DLG2: variants seen among roughly 807,000 people sequenced by gnomAD.
The protein encoded by DLG2 is discs large MAGUK scaffold protein 2, also known as disks large homolog 2.
A neutral mutation model predicts 132.5 loss-of-function variants in DLG2; 45 were observed. The observed-to-expected ratio is 0.34, with a 90% CI of 0.27 to 0.44. DLG2 has a LOEUF of 0.44. Among genes scored for constraint, DLG2 ranks in the 20% least tolerant of loss-of-function variants. The pLI, the probability that DLG2 is intolerant of heterozygous loss-of-function variation, is 1.00. For synonymous variants in DLG2, 424 were observed against 419.6 expected, an observed-to-expected ratio of 1.01 and a Z score of -0.13; for missense variants, 1,045 against 1,196.9, an observed-to-expected ratio of 0.87 and a Z score of 1.87.
At chr11:83,874,552 T>C in intron 15 of DLG2, 64 bp from the exon 16 acceptor site, 7 of 1,312,132 alleles carry the variant, frequency 5.3e-6, no homozygotes, top group Non-Finnish European at 7.2e-6. Flanking sequence ...ATTTTTTTAT[T>C]ATACTTTAAG....
At chr11:84,144,676 A>G (rs1258085681) in intron 9 of DLG2, among the ~76,000 whole-genome samples, 1 of 152,158 alleles carries the variant, frequency 6.6e-6, no homozygotes, top group Non-Finnish European at 1.5e-5. Flanking sequence ...CAACTCAGAG[A>G]GGGGTAATGA....
intron 6 of DLG2, among the ~76,000 whole-genome samples, chr11:85,101,018 TTA>T (rs1199087076): frequency 6.6e-6 from 1 of 152,176 alleles, no homozygotes; most frequent in Non-Finnish European, 1.5e-5. Context: ...TTTTAGTTTT[TTA>T]TGTGTTGACT....
At chr11:84,282,827 T>G (rs1272943868) in intron 7 of DLG2, among the ~76,000 whole-genome samples, 1 of 152,194 alleles carries the variant, frequency 6.6e-6, no homozygotes, top group East Asian at 1.9e-4. Context: ...TGCTTTGACA[T>G]GCTTCAATGA....
intron 15 of DLG2, among the ~76,000 whole-genome samples, chr11:83,901,711 A>G (rs1326784852): frequency 6.6e-6 from 1 of 151,968 alleles, no homozygotes; most frequent in Admixed American, 6.5e-5. Context: ...TACAGTTTCC[A>G]TCTGACGGTA....
intron 7 of DLG2, among the ~76,000 whole-genome samples, chr11:84,507,423 GT>G (rs1223534260): frequency 6.6e-6 from 1 of 152,154 alleles, no homozygotes; most frequent in African/African-American, 2.4e-5. Flanking sequence ...TTATTAAACA[GT>G]TTAACATGAA....
At chr11:84,880,181 A>G (rs1837835374) in intron 6 of DLG2, among the ~76,000 whole-genome samples, 1 of 152,144 alleles carries the variant, frequency 6.6e-6, no homozygotes, top group Admixed American at 6.6e-5. Flanking sequence ...AATCACCATG[A>G]GGATGCACAA....
intron 6 of DLG2, among the ~76,000 whole-genome samples, chr11:85,077,702 A>G (rs2066730111): frequency 6.6e-6 from 1 of 152,092 alleles, no homozygotes; most frequent in Admixed American, 6.6e-5. Context: ...CAAAGCTGAC[A>G]CTATTTTTAT....
chr11:83,941,202 T>C (rs2082578343), intron 14 of DLG2, among the ~76,000 whole-genome samples: 1 of 152,174 alleles, frequency 6.6e-6, no homozygotes, highest in Admixed American at 6.5e-5. Context: ...TTGATTATTA[T>C]TTAAGTTCAA....
At chr11:85,178,132 T>A (rs1013429437) in intron 4 of DLG2, among the ~76,000 whole-genome samples, 1 of 152,034 alleles carries the variant, frequency 6.6e-6, no homozygotes, top group African/African-American at 2.4e-5. Context: ...TTAATACAAT[T>A]TTAATAAGAT....
intron 6 of DLG2, among the ~76,000 whole-genome samples, chr11:84,960,271 C>G (rs1015191273): frequency 1.3e-5 from 2 of 152,054 alleles, no homozygotes; most frequent in African/African-American, 2.4e-5. Flanking sequence ...TACGAATCAT[C>G]CTGGTATACT....
At chr11:85,401,631 T>C (rs559426069) in intron 3 of DLG2, among the ~76,000 whole-genome samples, 1 of 152,140 alleles carries the variant, frequency 6.6e-6, no homozygotes, top group African/African-American at 2.4e-5. Flanking sequence ...GATAAGCAAC[T>C]TCAGCAAAGT....
chr11:85,091,474 C>A (rs1228540345), intron 6 of DLG2, among the ~76,000 whole-genome samples: 2 of 152,136 alleles, frequency 1.3e-5, no homozygotes, highest in Non-Finnish European at 2.9e-5. Context: ...ATGTTTGCCA[C>A]ATTTATTGGA....
chr11:84,857,530 T>C (rs574820328), intron 6 of DLG2, among the ~76,000 whole-genome samples: 7 of 152,212 alleles, frequency 4.6e-5, no homozygotes, highest in African/African-American at 1.7e-4. Context: ...GTATGTAATA[T>C]ACAATGGATT....
intron 6 of DLG2, among the ~76,000 whole-genome samples, chr11:84,667,942 T>C (rs1006529231): frequency 5.9e-5 from 9 of 152,150 alleles, no homozygotes; most frequent in Non-Finnish European, 1.3e-4. Flanking sequence ...TATTTAATAA[T>C]TGAGCAACTT....
chr11:85,037,198 T>C (rs2061499104), intron 6 of DLG2, among the ~76,000 whole-genome samples: 1 of 152,152 alleles, frequency 6.6e-6, no homozygotes, highest in African/African-American at 2.4e-5. Context: ...CTGAGTTCAC[T>C]AGATAAGCAA....
intron 9 of DLG2, among the ~76,000 whole-genome samples, chr11:84,109,092 AAG>A (rs1284033359): frequency 6.6e-6 from 1 of 152,076 alleles, no homozygotes; most frequent in African/African-American, 2.4e-5. Context: ...AATGGAGAGA[AAG>A]AAAAAAAATA....
intron 3 of DLG2, among the ~76,000 whole-genome samples, chr11:85,548,361 G>T (rs554457757): frequency 2.1e-4 from 32 of 152,316 alleles, no homozygotes; most frequent in African/African-American, 7.0e-4. Flanking sequence ...TGCTCTGGAA[G>T]TTTCGTCCCA....
chr11:84,159,710 A>G (rs1266349088), intron 9 of DLG2, among the ~76,000 whole-genome samples: 5 of 152,212 alleles, frequency 3.3e-5, no homozygotes, highest in Admixed American at 1.3e-4. Flanking sequence ...ACATTTTGAA[A>G]AAAGATAACG....
At chr11:84,424,075 T>A (rs2098959000) in intron 7 of DLG2, among the ~76,000 whole-genome samples, 1 of 152,162 alleles carries the variant, frequency 6.6e-6, no homozygotes, top group South Asian at 2.1e-4. Flanking sequence ...CCTCCACAGA[T>A]GATGCTCTCT....
Sources: gnomAD v4.1 joint callset for allele counts (sites outside exome capture counted in the v4.1 genomes callset) on GRCh38, gnomAD v4.1.1 for gene constraint, MANE v1.5 for transcripts, NCBI Gene and HGNC (gene_info 2026-07-23, HGNC 2026-07-21) for gene names.